Variants in HAT1 observed in about 807,000 individuals in gnomAD.
HAT1 encodes histone acetyltransferase type B catalytic subunit.
Under a neutral mutation model 56.6 loss-of-function variants are expected in HAT1, and 20 were observed. The observed-to-expected ratio is 0.35, with a 90% CI of 0.25 to 0.51. The LOEUF (loss-of-function observed/expected upper bound fraction) is 0.51. Among genes scored for constraint, HAT1 ranks in the 20% least tolerant of loss-of-function variants. The pLI is 0.95. For synonymous variants in HAT1, 146 were observed against 165.5 expected, an observed-to-expected ratio of 0.88 and a Z score of 0.91; for missense variants, 408 against 504.3, an observed-to-expected ratio of 0.81 and a Z score of 1.83.
chr2:171,969,696 A>G (rs756571677), intron 8 of HAT1, among the ~76,000 whole-genome samples: 2 of 152,206 alleles, frequency 1.3e-5, no homozygotes, highest in Non-Finnish European at 2.9e-5. Flanking sequence ...ACAAAGTATT[A>G]TCAGTCATAA....
chr2:171,961,257 G>C (rs1339472778), intron 4 of HAT1, among the ~76,000 whole-genome samples: 3 of 151,976 alleles, frequency 2.0e-5, no homozygotes. Context: ...GTAAGCTATG[G>C]TTACACTACT....
At chr2:171,970,608 C>T in intron 8 of HAT1, among the ~76,000 whole-genome samples, 1 of 138,404 alleles carries the variant, frequency 7.2e-6, no homozygotes, top group East Asian at 2.4e-4. Flanking sequence ...CAACCTCCAC[C>T]TCCCGGGTTC....
Position 171,974,173 on chromosome 2 carries a change from C to CAAAAAAAAAA in HAT1, c.824-1974_824-1965dup, listed in dbSNP as rs1183466393. Reference sequence around the variant, plus strand: ...AGCCTGGGTGAGTGAGACCCTGTCTCAAAAAAAAAAAAAAAAAAAGAAAAA... The same window carrying CAAAAAAAAAA: ...AGCCTGGGTGAGTGAGACCCTGTCTCAAAAAAAAAAAAAAAAAAAAAAAAAAAAAGAAAAA... On this transcript the variant is annotated intron_variant, in intron 8 of 10. Transcript: ENST00000264108. Among the ~76,000 whole-genome samples the CAAAAAAAAAA allele has an allele frequency of 2.6e-3, 116 of 45,374 alleles. No homozygotes were observed. In the East Asian group the frequency reaches 0.039, roughly 15 times the overall value. The allele number at this position is 45,374 out of a possible 152,430, so 29.8% of individuals were successfully genotyped here.
At chr2:171,958,509 A>G (rs1292526862) in intron 4 of HAT1, among the ~76,000 whole-genome samples, 1 of 151,926 alleles carries the variant, frequency 6.6e-6, no homozygotes, top group East Asian at 1.9e-4. Flanking sequence ...ACTGGCCTCA[A>G]ACTCCTGGCC....
intron 8 of HAT1, among the ~76,000 whole-genome samples, chr2:171,967,640 A>T (rs1014471598): frequency 3.3e-5 from 5 of 152,102 alleles, no homozygotes; most frequent in African/African-American, 1.2e-4. Flanking sequence ...CCCAAGGAAT[A>T]TTTATGTTAT....
Position 171,925,633 on chromosome 2 carries a change from TA to T in HAT1, c.108del (p.Lys36AsnfsTer2). ...YKCNTNTAIELKLVRFPEDLE... is the reference protein window; with the variant it reads ...YKCNTNTAIEXKLVRFPEDLE... ...TGTAACACCAACACAGCAATTGAAC[TA>T]AAATTAGGTATGTATGCCATTTCTA... On this transcript the variant is annotated frameshift_variant, in exon 2 of 11. Coordinates refer to ENST00000264108, the MANE Select transcript of HAT1 (RefSeq NM_003642.4). LOFTEE classifies it high-confidence loss of function. 7.5e-7 allele frequency: 1 copy of T among 1,341,602 alleles called. No individual in the cohort carries two copies. The highest frequency in any genetic ancestry group is 1.1e-6 in the Non-Finnish European group (1 of 931,176). 83.1% of individuals were successfully genotyped at this position (1,341,602 alleles called of 1,614,324 possible). A position where few individuals can be genotyped will look rare whatever the true frequency, so the allele number is the denominator to read the frequency against.
intron 9 of HAT1, among the ~76,000 whole-genome samples, chr2:171,978,646 A>G (rs1688050128): frequency 6.6e-6 from 1 of 152,082 alleles, no homozygotes; most frequent in South Asian, 2.1e-4. Flanking sequence ...GTTCCAGTTC[A>G]TGCCCTCATC....
At chr2:171,957,531 T>G (rs895712840) in intron 4 of HAT1, among the ~76,000 whole-genome samples, 1 of 152,184 alleles carries the variant, frequency 6.6e-6, no homozygotes, top group African/African-American at 2.4e-5. Context: ...TTACCTATGA[T>G]GAGAGGTGTG....
intron 2 of HAT1, among the ~76,000 whole-genome samples, chr2:171,937,628 G>A (rs537801093): frequency 2.3e-4 from 35 of 152,230 alleles, no homozygotes; most frequent in Admixed American, 1.8e-3. Context: ...ATAATATTTC[G>A]GGTAGAAAAA....
chr2:171,956,830 G>A (rs1687460351), intron 4 of HAT1, among the ~76,000 whole-genome samples: 1 of 152,196 alleles, frequency 6.6e-6, no homozygotes, highest in Non-Finnish European at 1.5e-5. Flanking sequence ...GATGATTTGG[G>A]AAATTCTTAA....
chr2:171,981,332 T>C (rs1251761756), intron 10 of HAT1, among the ~76,000 whole-genome samples: 3 of 152,314 alleles, frequency 2.0e-5, no homozygotes, highest in African/African-American at 7.2e-5. Flanking sequence ...TCACAATAGC[T>C]GGGAACATAA....
At chr2:171,926,644 C>T (rs766879147) in intron 2 of HAT1, among the ~76,000 whole-genome samples, 1 of 152,040 alleles carries the variant, frequency 6.6e-6, no homozygotes, top group Non-Finnish European at 1.5e-5. Flanking sequence ...TGTCCAGGCT[C>T]ATCTTGAACT....
Position 171,944,380 on chromosome 2 carries a change from T to C in HAT1, c.113-2328T>C, listed in dbSNP as rs1687105755. On this transcript the variant is annotated intron_variant, in intron 2 of 10. Coordinates refer to ENST00000264108, the MANE Select transcript of HAT1 (RefSeq NM_003642.4). ...TAGTTTAACTTCCTCCTCTATCCTC[T>C]GTATTTCCTGTGAATTGGAAGGTAA... 2.6e-5 allele frequency among the ~76,000 whole-genome samples: 4 copies of C among 152,350 alleles called. No homozygotes were observed. In the East Asian group the frequency reaches 5.8e-4, roughly 22 times the overall value.
chr2:171,966,922 G>C lies in HAT1; in HGVS notation c.796G>C (p.Glu266Gln), dbSNP rs751527275. ...LLETVHRYYTEFPTVLDITAE... is the reference protein window; with the variant it reads ...LLETVHRYYTQFPTVLDITAE... ...TGAAACAGTTCATAGATACTACACT[G>C]AATTTCCTACAGTTCTTGATATTAC... Residue 266 changes from glutamate to glutamine, a missense_variant, in exon 8 of 11, where the codon GAA (glutamate) becomes CAA (glutamine). By Grantham distance (29) the Glu-to-Gln change is conservative. Coordinates refer to ENST00000264108, the MANE Select transcript of HAT1 (RefSeq NM_003642.4). 12 of 1,550,494 alleles carry C rather than the reference G, an allele frequency of 7.7e-6. No homozygotes were observed. Among genetic ancestry groups the C allele is most frequent in the Admixed American group, 1.7e-5 (1 of 59,336 alleles).
chr2:171,961,034 C>T (rs1687559425), intron 4 of HAT1, among the ~76,000 whole-genome samples: 1 of 151,988 alleles, frequency 6.6e-6, no homozygotes, highest in Non-Finnish European at 1.5e-5. Flanking sequence ...CCTAGCTACT[C>T]AGGAGGGTGA....
chr2:171,953,626 T>TAAAAAAAAAAAAAAAAAAAAAAAAA (rs587686867), intron 4 of HAT1, among the ~76,000 whole-genome samples: 5 of 84,610 alleles, frequency 5.9e-5, no homozygotes, highest in Admixed American at 1.6e-4. Context: ...CCCTGTCTCT[T>TAAAAAAAAAAAAAAAAAAAAAAAAA]AAAAAAAAAA....
At chr2:171,956,708 A>G (rs1038042133) in intron 4 of HAT1, among the ~76,000 whole-genome samples, 1 of 152,140 alleles carries the variant, frequency 6.6e-6, no homozygotes, top group African/African-American at 2.4e-5. Flanking sequence ...TTAGCTGAGG[A>G]GGTTTTCATG....
chr2:171,980,289 T>G (rs1688100946), intron 10 of HAT1: 1 of 152,180 alleles, frequency 6.6e-6, no homozygotes, highest in Admixed American at 6.5e-5. Context: ...CTTTTTTCTC[T>G]CTTCCCAGAT....
rs537910824 is a variant in HAT1 at position 171,922,593 on chromosome 2, A to G, written c.7+86A>G. On this transcript the variant is annotated intron_variant, in intron 1 of 10. Transcript: ENST00000264108. ...GAGACGGTGGTGACAATGCCCGCCT[A>G]GAACTTTCGGGCTGTAGCCTGGGTT... 6.1e-6 allele frequency: 7 copies of G among 1,140,558 alleles called. No individual in the cohort carries two copies. The South Asian group carries it at 2.2e-4, about 36-fold the overall frequency. The allele number at this position is 1,140,558 out of a possible 1,614,324, so 70.7% of individuals were successfully genotyped here.
Sources: gnomAD v4.1 joint callset for allele counts (sites outside exome capture counted in the v4.1 genomes callset) on GRCh38, gnomAD v4.1.1 for gene constraint, MANE v1.5 for transcripts, NCBI Gene and HGNC (gene_info 2026-07-23, HGNC 2026-07-21) for gene names.